The following AKAP13 variants were observed in gnomAD, a reference collection of about 807,000 sequenced individuals.
AKAP13 encodes A-kinase anchoring protein 13, also known as A-kinase anchor protein 13.
Under a neutral mutation model 264.5 loss-of-function variants are expected in AKAP13, and 80 were observed. The observed-to-expected ratio is 0.30, with a 90% CI of 0.25 to 0.36. The LOEUF (loss-of-function observed/expected upper bound fraction) is 0.36. Among genes scored for constraint, AKAP13 ranks in the 10% least tolerant of loss-of-function variants. The pLI, the probability that AKAP13 is intolerant of heterozygous loss-of-function variation, is 1.00. For missense variants in AKAP13, 3,712 were observed against 3,435.2 expected (o/e 1.08, Z -2.01); for synonymous variants, 1,380 against 1,250.2 (o/e 1.10, Z -2.19).
intron 17 of AKAP13, among the ~76,000 whole-genome samples, chr15:85,703,394 T>G (rs2086040947): frequency 6.6e-6 from 1 of 152,236 alleles, no homozygotes; most frequent in Admixed American, 6.5e-5. Context: ...CTGGGGCTAC[T>G]TCAGCTGAGA....
At chr15:85,481,782 C>T (rs1420728158) in intron 1 of AKAP13, among the ~76,000 whole-genome samples, 1 of 152,212 alleles carries the variant, frequency 6.6e-6, no homozygotes, top group Non-Finnish European at 1.5e-5. Flanking sequence ...TCCACTGTGT[C>T]TGTCATGTAT....
chr15:85,726,996 G>C (rs1009479524), intron 27 of AKAP13, 70 bp from the exon 28 acceptor site: 3 of 1,560,050 alleles, frequency 1.9e-6, no homozygotes, highest in Admixed American at 3.4e-5. Context: ...TCTTACCTTA[G>C]ATTGAAGCTG....
At chr15:85,409,488 T>C (rs1213693700) in intron 1 of AKAP13, among the ~76,000 whole-genome samples, 1 of 151,220 alleles carries the variant, frequency 6.6e-6, no homozygotes, top group Non-Finnish European at 1.5e-5. Context: ...CATTACCCTT[T>C]TTTTAAATTG....
At chr15:85,684,182 T>C (rs1007158406) in intron 15 of AKAP13, among the ~76,000 whole-genome samples, 1 of 152,210 alleles carries the variant, frequency 6.6e-6, no homozygotes, top group Non-Finnish European at 1.5e-5. Context: ...TTGAATGCTA[T>C]TGTAGATGAA....
chr15:85,423,583 C>T (rs550990440), intron 1 of AKAP13, among the ~76,000 whole-genome samples: 101 of 152,306 alleles, frequency 6.6e-4, no homozygotes, highest in African/African-American at 2.3e-3. Context: ...GTGACTTCTC[C>T]CATTGAAGTC....
At chr15:85,674,760 G>A (rs1475710967) in intron 14 of AKAP13, among the ~76,000 whole-genome samples, 1 of 151,996 alleles carries the variant, frequency 6.6e-6, no homozygotes, top group East Asian at 1.9e-4. Flanking sequence ...GTGCTATTGA[G>A]GATATTTTAT....
intron 1 of AKAP13, among the ~76,000 whole-genome samples, chr15:85,458,386 G>GTTTTTTTTTTTTTTTTTTTT (rs1160050565): frequency 4.8e-5 from 5 of 103,926 alleles, no homozygotes; most frequent in African/African-American, 2.6e-4. Flanking sequence ...TGTATTTTTT[G>GTTTTTTTTTTTTTTTTTTTT]TTTTTTGTTT....
At chr15:85,610,513 C>G (rs1007956282) in intron 8 of AKAP13, among the ~76,000 whole-genome samples, 20 of 152,078 alleles carry the variant, frequency 1.3e-4, no homozygotes, top group African/African-American at 4.8e-4. Flanking sequence ...GGTAATGGTC[C>G]CTTTTTCTCT....
At chr15:85,476,534 G>T (rs1302602971) in intron 1 of AKAP13, among the ~76,000 whole-genome samples, 1 of 152,200 alleles carries the variant, frequency 6.6e-6, no homozygotes, top group Non-Finnish European at 1.5e-5. Context: ...GCCTACCACT[G>T]TGTTAAACCT....
At chr15:85,631,496 TCTCTCTCACACA>T (rs1241517437) in intron 8 of AKAP13, among the ~76,000 whole-genome samples, 3 of 64,662 alleles carry the variant, frequency 4.6e-5, no homozygotes, top group African/African-American at 1.6e-4. Flanking sequence ...TCTCTCTCTC[TCTCTCTCACACA>T]CACACACACA....
chr15:85,640,231 TCCCTGTG>T (rs2082250254), intron 9 of AKAP13, among the ~76,000 whole-genome samples: 4 of 152,220 alleles, frequency 2.6e-5, no homozygotes, highest in South Asian at 4.1e-4. Context: ...TGATGAGTAA[TCCCTGTG>T]CCTGTTCTAC....
At chr15:85,442,358 C>T (rs1255570386) in intron 1 of AKAP13, among the ~76,000 whole-genome samples, 6 of 141,594 alleles carry the variant, frequency 4.2e-5, no homozygotes, top group South Asian at 2.2e-4. Context: ...TGCAGTGAGC[C>T]GAGATCGTGC....
rs1411323286 is a variant in AKAP13, at chr15:85,719,191, C to T, written c.6117C>T (p.Phe2039=). ...AGCAGCAGATGGTAGAAAAGCTGTT[C>T]CCCTGTTTGGATGAGCTGATCAGTA... ...LFEQQMVEKL[F]PCLDELISIH... The change falls in exon 23 of 37, where the codon TTC becomes TTT. Residue 2039 remains phenylalanine (F), a synonymous_variant. Transcript: ENST00000394518. 3 of 1,614,120 alleles carry T rather than the reference C, an allele frequency of 1.9e-6. No individual in the cohort carries two copies. The highest frequency in any genetic ancestry group is 2.5e-6 in the Non-Finnish European group (3 of 1,180,030).
Position 85,661,447 on chromosome 15 carries a change from G to A in AKAP13, c.4799+2857G>A, listed in dbSNP as rs558959034. Among the ~76,000 whole-genome samples, 4 of 152,160 alleles carry A rather than the reference G, an allele frequency of 2.6e-5. No homozygotes were observed. In the South Asian group the frequency reaches 6.2e-4, roughly 24 times the overall value. On this transcript the variant is annotated intron_variant, in intron 12 of 36. Transcript: ENST00000394518. ...TAAATTTTTATTATCAGCCAGGTGC[G>A]GTGGCTCAAGCCTATAATCCCAGCA...
At chr15:85,484,127 C>A (rs970646325) in intron 1 of AKAP13, among the ~76,000 whole-genome samples, 7 of 152,148 alleles carry the variant, frequency 4.6e-5, no homozygotes, top group African/African-American at 1.4e-4. Context: ...TCTGAGCAGG[C>A]CCTGGAAAGC....
At chr15:85,612,700 A>G (rs565629863) in intron 8 of AKAP13, among the ~76,000 whole-genome samples, 3 of 152,058 alleles carry the variant, frequency 2.0e-5, no homozygotes, top group South Asian at 2.1e-4. Context: ...ACACGTGCCT[A>G]TAATCCCCAG....
chr15:85,439,925 C>T (rs2073552303), intron 1 of AKAP13, among the ~76,000 whole-genome samples: 2 of 150,780 alleles, frequency 1.3e-5, no homozygotes, highest in South Asian at 4.2e-4. Context: ...ACATATGTAA[C>T]TAACCTGCAC....
rs756655868 is a variant in AKAP13, at chr15:85,741,194, A to C, written c.7757A>C (p.Asn2586Thr). Residue 2586 changes from asparagine (N) to threonine (T), a missense_variant, in exon 35 of 37, where the codon AAC becomes ACC. Around this residue, in one of 3 missense-constraint regions of AKAP13, gnomAD observed 611 missense variants for 539.3 expected, o/e 1.13. Coordinates refer to ENST00000394518, the MANE Select transcript of AKAP13 (RefSeq NM_007200.5). ...GAGAAGCAGCGCCAGGACCTGGCCA[A>C]CCTGCAGAAGCAGCAGGCCCAGTAC... ...SLEKQRQDLA[N>T]LQKQQAQYLE... 1.9e-6 allele frequency: 3 copies of C among 1,611,286 alleles called. No homozygotes were observed. The highest frequency in any genetic ancestry group is 2.2e-5 in the South Asian group (2 of 90,766).
At chr15:85,385,783 A>G (rs1316277993) in intron 1 of AKAP13, among the ~76,000 whole-genome samples, 1 of 152,098 alleles carries the variant, frequency 6.6e-6, no homozygotes, top group Non-Finnish European at 1.5e-5. Flanking sequence ...TGATTTGCAG[A>G]TATTTTCTCC....
Sources: gnomAD v4.1 joint callset for allele counts (sites outside exome capture counted in the v4.1 genomes callset) on GRCh38, gnomAD v4.1.1 for gene constraint, gnomAD v4.1.1 regional missense constraint, MANE v1.5 for transcripts, NCBI Gene and HGNC (gene_info 2026-07-23, HGNC 2026-07-21) for gene names.